The following SYN3 variants were observed in gnomAD, a reference collection of about 807,000 sequenced individuals.
The protein encoded by SYN3 is synapsin III, also known as synapsin-3.
Under a neutral mutation model 65.8 loss-of-function variants are expected in SYN3, and 35 were observed. The observed-to-expected ratio is 0.53, with a 90% CI of 0.41 to 0.70. The LOEUF (loss-of-function observed/expected upper bound fraction) is 0.70. SYN3 is among the 30% of genes least tolerant of loss of function. The pLI is 0.00. For missense variants in SYN3, 680 were observed against 749.0 expected (o/e 0.91, Z 1.08); for synonymous variants, 270 against 292.9 (o/e 0.92, Z 0.80).
chr22:33,055,451 G>A (rs1486505056), intron 1 of SYN3, among the ~76,000 whole-genome samples: 2 of 152,136 alleles, frequency 1.3e-5, no homozygotes, highest in African/African-American at 4.8e-5. Flanking sequence ...AGATCTCAGT[G>A]TAAATATCAC....
At chr22:32,866,623 C>T (rs758336869) in intron 5 of SYN3, among the ~76,000 whole-genome samples, 16 of 152,260 alleles carry the variant, frequency 1.1e-4, no homozygotes, top group Middle Eastern at 3.4e-3. Flanking sequence ...GGATAGCACA[C>T]GGCTAGTGCT....
chr22:32,949,243 A>AT (rs1362234715), intron 3 of SYN3, among the ~76,000 whole-genome samples: 1 of 152,008 alleles, frequency 6.6e-6, no homozygotes, highest in Non-Finnish European at 1.5e-5. Context: ...TAAGACCCTT[A>AT]TATCTTTTTA....
At chr22:32,935,491 C>T (rs965626594) in intron 3 of SYN3, among the ~76,000 whole-genome samples, 7 of 139,418 alleles carry the variant, frequency 5.0e-5, no homozygotes, top group African/African-American at 1.4e-4. Flanking sequence ...ACTCTTGTTG[C>T]GCAGGCTGGA....
At chr22:33,012,166 A>G (rs986427358) in intron 1 of SYN3, among the ~76,000 whole-genome samples, 11 of 152,142 alleles carry the variant, frequency 7.2e-5, no homozygotes, top group Admixed American at 2.0e-4. Context: ...TTTCCCCAAT[A>G]TAAGTATTTA....
intron 6 of SYN3, among the ~76,000 whole-genome samples, chr22:32,847,244 G>C (rs2048091763): frequency 6.6e-6 from 1 of 152,166 alleles, no homozygotes; most frequent in Non-Finnish European, 1.5e-5. Flanking sequence ...TAATATGGAG[G>C]AAACAGTCCC....
chr22:33,042,835 C>T (rs113691790), intron 1 of SYN3, among the ~76,000 whole-genome samples: 76 of 152,292 alleles, frequency 5.0e-4, no homozygotes, highest in Middle Eastern at 3.4e-3. Flanking sequence ...CACCCCTAAA[C>T]TGTGCCATGA....
At position 32,801,197 on chromosome 22, in the gene SYN3, T is replaced by C. The variant is rs2046563525; in HGVS notation, c.711+63718A>G. On this transcript the variant is annotated intron_variant, in intron 6 of 13. Transcript: ENST00000358763. The surrounding 1 kb of genome is among the most constrained non-coding windows in gnomAD (Gnocchi z 4.7). ...AGAGAGAGAGAGAAAGAGAGAGAGTTTGGGTCTTTCTCCTCTGTGCCTGCT... is the reference window on the plus strand; with the variant it reads ...AGAGAGAGAGAGAAAGAGAGAGAGTCTGGGTCTTTCTCCTCTGTGCCTGCT... Among the ~76,000 whole-genome samples the C allele has an allele frequency of 6.6e-6, 1 of 152,040 alleles. No individual in the cohort carries two copies. The highest frequency in any genetic ancestry group is 2.4e-5 in the African/African-American group (1 of 41,380).
chr22:32,800,246 A>T (rs1023776406), intron 6 of SYN3, among the ~76,000 whole-genome samples: 1 of 152,306 alleles, frequency 6.6e-6, no homozygotes, highest in South Asian at 2.1e-4. Flanking sequence ...TTCTAACAGG[A>T]TGAAGCGGAA....
At chr22:32,773,681 T>C (rs57852281) in intron 6 of SYN3, among the ~76,000 whole-genome samples, 22,602 of 152,178 alleles carry the variant, frequency 0.15, 1,751 homozygotes, top group Middle Eastern at 0.2. Flanking sequence ...CACTGGTCTA[T>C]TGTATGCTGG....
chr22:32,970,938 G>T (rs1187212369), intron 3 of SYN3, among the ~76,000 whole-genome samples: 1 of 152,194 alleles, frequency 6.6e-6, no homozygotes, highest in Non-Finnish European at 1.5e-5. Flanking sequence ...CCAGACCTGG[G>T]TTCAAATCCC....
At chr22:32,603,580 G>A (rs16990826) in intron 6 of SYN3, among the ~76,000 whole-genome samples, 8,587 of 150,008 alleles carry the variant, frequency 0.057, 552 homozygotes, top group East Asian at 0.28. Context: ...CCCTTTGCCC[G>A]AAGCCAGACA....
chr22:32,921,428 C>A (rs1342536142), intron 4 of SYN3, among the ~76,000 whole-genome samples: 1 of 152,214 alleles, frequency 6.6e-6, no homozygotes, highest in Non-Finnish European at 1.5e-5. Context: ...TGTAGCTTCA[C>A]TCTGCACCCT....
chr22:32,869,367 T>TCTCTCTCA lies in SYN3; in HGVS notation c.462-243_462-242insTGAGAGAG, dbSNP rs61464794. 8.0e-3 allele frequency among the ~76,000 whole-genome samples: 1,146 copies of TCTCTCTCA among 142,412 alleles called. 13 individuals carry two copies. The highest frequency in any genetic ancestry group is 0.052 in the East Asian group (239 of 4,578). 93.4% of individuals were successfully genotyped at this position (142,412 alleles called of 152,430 possible). ...CTCTCTCTCTCTCTCTCTCTCTCTC[T>TCTCTCTCA]CACAGGCTCTTTCCTAAATTCCCTG... On this transcript the variant is annotated intron_variant, in intron 4 of 13. Transcript: ENST00000358763.
chr22:32,569,273 A>ATCTG (rs71184593), intron 7 of SYN3, among the ~76,000 whole-genome samples: 32,839 of 149,236 alleles, frequency 0.22, 4,141 homozygotes, highest in Admixed American at 0.31. Context: ...CTATCTATCT[A>ATCTG]TCTATCTATC....
At chr22:32,581,328 C>T (rs189421274) in intron 7 of SYN3, among the ~76,000 whole-genome samples, 217 of 152,258 alleles carry the variant, frequency 1.4e-3, no homozygotes, top group Non-Finnish European at 2.4e-3. Context: ...AGGCTGGTCT[C>T]GAACTCCTGA....
chr22:32,618,246 C>T (rs1206557341), intron 6 of SYN3, among the ~76,000 whole-genome samples: 1 of 152,140 alleles, frequency 6.6e-6, no homozygotes, highest in African/African-American at 2.4e-5. Flanking sequence ...AAACTGAGCT[C>T]GTGTGAAATT....
chr22:32,983,810 G>A (rs241709), intron 2 of SYN3, among the ~76,000 whole-genome samples: 1 of 152,074 alleles, frequency 6.6e-6, no homozygotes, highest in South Asian at 2.1e-4. Context: ...GAAACCTATG[G>A]GTCATATGTC....
chr22:32,955,877 T>C lies in SYN3; in HGVS notation c.370-24396A>G, dbSNP rs1028329852. Among the ~76,000 whole-genome samples, 12 of 152,086 alleles carry C rather than the reference T, an allele frequency of 7.9e-5. No individual in the cohort carries two copies. In the South Asian group the frequency reaches 8.3e-4, roughly 11 times the overall value. On this transcript the variant is annotated intron_variant, in intron 3 of 13. Coordinates refer to ENST00000358763, the MANE Select transcript of SYN3 (RefSeq NM_003490.4). The stretch of plus-strand genomic sequence containing the variant: ...GAAAAGGCTAGACTGGCCTAGCCTC[T>C]CAGCCTACATCTTTTTCTCCATGGT...
chr22:32,980,582 T>C, intron 3 of SYN3, 63 bp downstream of exon 3: 1 of 1,495,654 alleles, frequency 6.7e-7, no homozygotes. Flanking sequence ...AGATTGCATG[T>C]AAGAACAGCC....
Sources: gnomAD v4.1 joint callset for allele counts (sites outside exome capture counted in the v4.1 genomes callset) on GRCh38, gnomAD v4.1.1 for gene constraint, Gnocchi (gnomAD v3.1) non-coding constraint, MANE v1.5 for transcripts, NCBI Gene and HGNC (gene_info 2026-07-23, HGNC 2026-07-21) for gene names.